The following WDPCP variants were observed in gnomAD, a reference collection of about 807,000 sequenced individuals.
WDPCP encodes WD repeat containing planar cell polarity effector, also known as WD repeat-containing and planar cell polarity effector protein fritz homolog.
Under a neutral mutation model 93.1 loss-of-function variants are expected in WDPCP, and 71 were observed. The ratio of observed to expected loss-of-function variants is 0.76; its 90% CI spans 0.63 to 0.93. The LOEUF (loss-of-function observed/expected upper bound fraction) is 0.93. WDPCP is among the 40% of genes least tolerant of loss of function. The pLI, the probability that WDPCP is intolerant of heterozygous loss-of-function variation, is 0.00. For synonymous variants in WDPCP, 315 were observed against 315.0 expected (o/e 1.00, Z 0.00); for missense variants, 844 against 887.4 (o/e 0.95, Z 0.62).
At chr2:63,732,585 T>C (rs1431322082) in intron 2 of WDPCP, among the ~76,000 whole-genome samples, 1 of 152,148 alleles carries the variant, frequency 6.6e-6, no homozygotes, top group Non-Finnish European at 1.5e-5. Context: ...AAAAATAACA[T>C]ATAGGAGTCT....
In WDPCP at chr2:63,761,878, T is replaced by A. The variant is rs578016895; in HGVS notation, n.308+51744A>T. On this transcript the variant is annotated intron_variant and non_coding_transcript_variant, in intron 2 of 4. Transcript: ENST00000467687. ...AGTATTAACCATCACATATATGTTG[T>A]CCCCATTACTGGTGGCTGCCTTATA... 2.5e-4 allele frequency among the ~76,000 whole-genome samples: 38 copies of A among 152,352 alleles called. 1 individual carries two copies. The highest frequency in any genetic ancestry group is 1.0e-3 in the South Asian group (5 of 4,830).
chr2:63,572,709 A>AAAAAAAAAAAAAAAAAAAAAAAAAC (rs1707616991), intron 1 of WDPCP, among the ~76,000 whole-genome samples: 1 of 144,188 alleles, frequency 6.9e-6, no homozygotes, highest in Admixed American at 6.9e-5. Flanking sequence ...CTCAAAAAAA[A>AAAAAAAAAAAAAAAAAAAAAAAAAC]AAAAAAAAAA....
intron 3 of WDPCP, among the ~76,000 whole-genome samples, chr2:63,629,431 G>A (rs900275289): frequency 4.6e-5 from 7 of 152,164 alleles, no homozygotes; most frequent in South Asian, 2.1e-4. Flanking sequence ...GAAATTTTAC[G>A]GTATCAGTGG....
At chr2:63,557,057 C>T (rs1270189245) in intron 1 of WDPCP, among the ~76,000 whole-genome samples, 1 of 152,296 alleles carries the variant, frequency 6.6e-6, no homozygotes, top group East Asian at 1.9e-4. Context: ...TCAACCACTA[C>T]AAAAACACAC....
At chr2:63,501,318 C>A (rs181516315) in intron 1 of WDPCP, among the ~76,000 whole-genome samples, 77 of 152,268 alleles carry the variant, frequency 5.1e-4, no homozygotes, top group Non-Finnish European at 9.8e-4. Flanking sequence ...AATCCAAGGA[C>A]TTTAGGAGGC....
intron 17 of WDPCP, 37 bp downstream of exon 17, chr2:63,152,877 T>C (rs752153315): frequency 6.3e-6 from 10 of 1,592,180 alleles, no homozygotes; most frequent in South Asian, 2.2e-5. Flanking sequence ...TCTCTTAGAA[T>C]TTAAATGTCT....
In WDPCP at chr2:63,808,348, G is replaced by A. The variant is rs1265636796; in HGVS notation, n.308+5274C>T. Among the ~76,000 whole-genome samples, 168 of 56,792 alleles carry A rather than the reference G, an allele frequency of 3.0e-3. 1 individual carries two copies. Among genetic ancestry groups the A allele is most frequent in the Middle Eastern group, 0.019 (2 of 106 alleles). 37.3% of individuals were successfully genotyped at this position (56,792 alleles called of 152,430 possible). On this transcript the variant is annotated intron_variant and non_coding_transcript_variant, in intron 2 of 4. Coordinates refer to the WDPCP transcript ENST00000467687. Reference sequence around the variant, plus strand: ...CCTCTCCCCTCTCCCCTCTCCCCACGGTCTCCCTCTCCCTCTCTTTCCACG... The same window carrying A: ...CCTCTCCCCTCTCCCCTCTCCCCACAGTCTCCCTCTCCCTCTCTTTCCACG...
intron 3 of WDPCP, among the ~76,000 whole-genome samples, chr2:63,616,927 A>G (rs1266079953): frequency 6.6e-6 from 1 of 152,246 alleles, no homozygotes; most frequent in East Asian, 1.9e-4. Flanking sequence ...TTGTAAAAAC[A>G]AAATGCCTTT....
intron 2 of WDPCP, among the ~76,000 whole-genome samples, chr2:63,700,433 G>A (rs547410307): frequency 4.6e-5 from 7 of 152,190 alleles, no homozygotes; most frequent in African/African-American, 1.7e-4. Context: ...AATCAAGTGA[G>A]TCAACTGCAC....
chr2:63,147,569 C>T (rs1369361585), intron 17 of WDPCP, among the ~76,000 whole-genome samples: 1 of 152,150 alleles, frequency 6.6e-6, no homozygotes, highest in Non-Finnish European at 1.5e-5. Context: ...TTTATCCATG[C>T]ATTTTTGCCT....
intron 1 of WDPCP, among the ~76,000 whole-genome samples, chr2:63,547,786 A>G (rs192474090): frequency 4.6e-5 from 7 of 151,820 alleles, no homozygotes; most frequent in Admixed American, 1.3e-4. Flanking sequence ...GATAGAGAAT[A>G]GACTTGTGGG....
At chr2:63,426,203 G>A (rs1696276387) in intron 9 of WDPCP, among the ~76,000 whole-genome samples, 1 of 152,122 alleles carries the variant, frequency 6.6e-6, no homozygotes, top group Admixed American at 6.5e-5. Flanking sequence ...AGCTGGGCGT[G>A]GTGGCGCACA....
intron 2 of WDPCP, among the ~76,000 whole-genome samples, chr2:63,694,493 A>G (rs1470353270): frequency 6.6e-6 from 1 of 152,182 alleles, no homozygotes; most frequent in East Asian, 1.9e-4. Context: ...ACTCTGAATA[A>G]AGTGGATGAC....
chr2:63,324,460 G>T (rs956226818), intron 12 of WDPCP, among the ~76,000 whole-genome samples: 1 of 152,116 alleles, frequency 6.6e-6, no homozygotes, highest in African/African-American at 2.4e-5. Flanking sequence ...CCCAACCCAG[G>T]TACATGTCCC....
At chr2:63,227,005 C>T (rs1279184967) in intron 14 of WDPCP, among the ~76,000 whole-genome samples, 1 of 151,850 alleles carries the variant, frequency 6.6e-6, no homozygotes, top group African/African-American at 2.4e-5. Context: ...TAGCTCCAAA[C>T]ACTTCTTTTT....
At chr2:63,702,644 T>G (rs1669076485) in intron 2 of WDPCP, among the ~76,000 whole-genome samples, 1 of 151,786 alleles carries the variant, frequency 6.6e-6, no homozygotes, top group Non-Finnish European at 1.5e-5. Flanking sequence ...GTTCACACCA[T>G]TCTCCTGCCT....
intron 2 of WDPCP, among the ~76,000 whole-genome samples, chr2:63,674,690 ATC>A (rs1457179410): frequency 6.7e-6 from 1 of 149,760 alleles, no homozygotes; most frequent in Non-Finnish European, 1.5e-5. Context: ...TAAGGGGCAG[ATC>A]TCATGTTAAG....
chr2:63,263,321 A>C lies in WDPCP; in HGVS notation c.1813-3912T>G, dbSNP rs566577849. Among the ~76,000 whole-genome samples, 214 of 152,364 alleles carry C rather than the reference A, an allele frequency of 1.4e-3. 2 individuals carry two copies. The highest frequency in any genetic ancestry group is 4.8e-3 in the African/African-American group (198 of 41,592). On this transcript the variant is annotated intron_variant, in intron 13 of 17. Transcript: ENST00000272321. ...GAAACTTAATTGCCAATGCAATGGT[A>C]TTGGAAGGTGGGGCCCTTAAGAGAG...
intron 3 of WDPCP, chr2:63,642,662 A>G (rs537023863): frequency 1.3e-5 from 2 of 152,002 alleles, no homozygotes; most frequent in South Asian, 4.1e-4. Flanking sequence ...GTATCCTTCA[A>G]CTTTACTGAG....
Sources: gnomAD v4.1 joint callset for allele counts (sites outside exome capture counted in the v4.1 genomes callset) on GRCh38, gnomAD v4.1.1 for gene constraint, MANE v1.5 for transcripts, NCBI Gene and HGNC (gene_info 2026-07-23, HGNC 2026-07-21) for gene names.